Variants in HEXD observed in about 807,000 individuals in gnomAD.
HEXD encodes the protein hexosaminidase D, also known as N-acetyl-beta-galactosaminidase.
HEXD carries 47 observed loss-of-function variants against 54.2 expected under a neutral mutation model. The ratio of observed to expected loss-of-function variants is 0.87; its 90% CI spans 0.69 to 1.11. HEXD has a LOEUF of 1.11. Ranked by LOEUF, HEXD falls within the 50% of genes least tolerant of loss-of-function variation. HEXD has a pLI of 0.00. For missense variants in HEXD, 576 were observed against 649.2 expected (o/e 0.89, Z 1.23); for synonymous variants, 293 against 287.6 (o/e 1.02, Z -0.19).
chr17:82,435,868 C>G lies in HEXD; in HGVS notation c.627C>G (p.Leu209=). ...TCCGAGACCTGCCTGAGGACCAGCTCGCAGGTCGGCCAACAGGGCTGGGGG... is the reference window on the plus strand; with the variant it reads ...TCCGAGACCTGCCTGAGGACCAGCTGGCAGGTCGGCCAACAGGGCTGGGGG... ...DMLRDLPEDQ[L]AASGVPQLVE... Residue 209 remains leucine, a synonymous_variant, in exon 6 of 13, where the codon CTC becomes CTG. Transcript: ENST00000327949. The G allele has an allele frequency of 6.2e-7, 1 of 1,603,600 alleles. No homozygotes were observed. The highest frequency in any genetic ancestry group is 1.1e-5 in the South Asian group (1 of 90,810).
intron 2 of HEXD, chr17:82,420,512 G>C (rs779945920): frequency 2.0e-5 from 3 of 152,254 alleles, no homozygotes; most frequent in Non-Finnish European, 4.4e-5. Flanking sequence ...CTGGATTTTG[G>C]ACTTAGGGCC....
chr17:82,440,487 G>T, intron 9 of HEXD: 1 of 423,128 alleles, frequency 2.4e-6, no homozygotes, highest in Non-Finnish European at 3.8e-6. Flanking sequence ...CCTTGCCCAC[G>T]GCCCCATCCG....
intron 5 of HEXD, 83 bp from the exon 6 acceptor site, chr17:82,435,606 C>T (rs1816692206): frequency 1.3e-5 from 18 of 1,418,110 alleles, no homozygotes; most frequent in Non-Finnish European, 1.6e-5. Flanking sequence ...GGCCCCTCTC[C>T]GTCAGGGCAC....
intron 4 of HEXD, among the ~76,000 whole-genome samples, chr17:82,431,526 A>T (rs1234180575): frequency 6.6e-6 from 1 of 150,956 alleles, no homozygotes; most frequent in African/African-American, 2.4e-5. Context: ...CATTCCAAGT[A>T]GCTTCAGCCT....
In HEXD at chr17:82,428,458, G is replaced by A. The variant is rs754575455; in HGVS notation, c.195-100G>A. 4.4e-4 allele frequency: 420 copies of A among 954,884 alleles called. 1 individual carries two copies. Among genetic ancestry groups the A allele is most frequent in the Non-Finnish European group, 6.5e-4 (389 of 601,764 alleles). The allele number at this position is 954,884 out of a possible 1,614,324, so 59.2% of individuals were successfully genotyped here. On this transcript the variant is annotated intron_variant, in intron 3 of 12. Coordinates refer to ENST00000327949, the MANE Select transcript of HEXD (RefSeq NM_001330542.2). ...GGAGTTTAGGGCCTTACTGTTTCCC[G>A]GAGAGCCCCCCAGGGCCTGATGAGG...
intron 8 of HEXD, 51 bp from the exon 9 acceptor site, chr17:82,439,580 C>T (rs2053868251): frequency 6.6e-7 from 1 of 1,504,220 alleles, no homozygotes; most frequent in Non-Finnish European, 8.8e-7. Flanking sequence ...GCGCCTGCGT[C>T]AGGCTGCTGG....
At chr17:82,427,545 A>T (rs1347742238) in intron 3 of HEXD, among the ~76,000 whole-genome samples, 1 of 152,160 alleles carries the variant, frequency 6.6e-6, no homozygotes. Flanking sequence ...TGAGATGATC[A>T]GGTGCGATGA....
rs1199249285 is a variant in HEXD, at chr17:82,418,546, T to C, written c.-246T>C. On this transcript the variant is annotated 5_prime_UTR_variant, in exon 1 of 13. Transcript: ENST00000327949. The stretch of plus-strand genomic sequence containing the variant: ...GCGCCAGGCCCGGGGACGAACGCCG[T>C]AACAGGGAGCGCGAGGCAGGCACGG... The C allele has an allele frequency of 8.3e-6, 8 of 965,912 alleles. No homozygotes were observed. The Admixed American group carries it at 1.3e-4, about 16-fold the overall frequency. The allele number at this position is 965,912 out of a possible 1,614,324, so 59.8% of individuals were successfully genotyped here.
At chr17:82,424,595 G>T in intron 3 of HEXD, 92 bp downstream of exon 3, 1 of 811,726 alleles carries the variant, frequency 1.2e-6, no homozygotes, top group Non-Finnish European at 2.1e-6. Context: ...CTGGAGGTGC[G>T]GGTGGCACAG....
At chr17:82,438,657 G>A (rs183749610) in intron 8 of HEXD, among the ~76,000 whole-genome samples, 169 of 152,344 alleles carry the variant, frequency 1.1e-3, no homozygotes, top group Middle Eastern at 3.4e-3. Context: ...CTAGGCGAAC[G>A]GCTGGAGGCC....
intron 9 of HEXD, chr17:82,440,321 C>T (rs905771770): frequency 1.8e-5 from 22 of 1,250,264 alleles, no homozygotes; most frequent in Non-Finnish European, 2.3e-5. Flanking sequence ...GGCCCAGGGA[C>T]GGGGACGCGG....
chr17:82,433,077 GAAAAAAA>G (rs71168108), intron 4 of HEXD, among the ~76,000 whole-genome samples: 1 of 7,838 alleles, frequency 1.3e-4, no homozygotes, highest in Non-Finnish European at 1.8e-4. Flanking sequence ...AAAAAAAAAA[GAAAAAAA>G]AAAAAAAATA....
rs762179962 is a variant in HEXD at position 82,433,800 on chromosome 17, G to A, written c.425G>A (p.Arg142Gln). Reference protein sequence around the residue: ...QVLELHPGAQRLHIGCDEVYY... With the variant: ...QVLELHPGAQQLHIGCDEVYY... Reference sequence around the variant, plus strand: ...CTGGAGCTACACCCAGGCGCCCAGCGGCTGCACATCGGGTGTGATGAGGTG... The same window carrying A: ...CTGGAGCTACACCCAGGCGCCCAGCAGCTGCACATCGGGTGTGATGAGGTG... Residue 142 changes from arginine to glutamine, a missense_variant, in exon 5 of 13, where the codon CGG becomes CAG. Arg to Gln is a conservative substitution (Grantham distance 43). Coordinates refer to ENST00000327949, the MANE Select transcript of HEXD (RefSeq NM_001330542.2). 33 of 1,612,736 alleles carry A rather than the reference G, an allele frequency of 2.0e-5. No individual in the cohort carries two copies. The highest frequency in any genetic ancestry group is 8.3e-5 in the Admixed American group (5 of 59,940).
intron 8 of HEXD, 149 bp downstream of exon 8, chr17:82,437,512 T>C (rs896683220): frequency 8.7e-6 from 6 of 688,614 alleles, no homozygotes; most frequent in Non-Finnish European, 1.4e-5. Flanking sequence ...AACAGCCACG[T>C]GGGGTTGGGC....
rs8065914 is a variant in HEXD, at chr17:82,440,409, G to T, written c.983-588G>T. The T allele has an allele frequency of 4.5e-3, 3,976 of 892,264 alleles. 112 individuals are homozygous for T. In the African/African-American group the frequency reaches 0.063, roughly 14 times the overall value. The allele number at this position is 892,264 out of a possible 1,614,324, so 55.3% of individuals were successfully genotyped here. On this transcript the variant is annotated intron_variant, in intron 9 of 12. Coordinates refer to ENST00000327949, the MANE Select transcript of HEXD (RefSeq NM_001330542.2). ...CAACTGCTTAGAAAGGGGCAGAAACGATAAAAACAGACACCCCTGTACCCC... is the reference window on the plus strand; with the variant it reads ...CAACTGCTTAGAAAGGGGCAGAAACTATAAAAACAGACACCCCTGTACCCC...
chr17:82,433,129 T>TATATA (rs1555617733), intron 4 of HEXD, among the ~76,000 whole-genome samples: 66 of 8,416 alleles, frequency 7.8e-3, no homozygotes, highest in Non-Finnish European at 8.1e-3. Context: ...TATATATATA[T>TATATA]TTTTTTTTTT....
chr17:82,424,031 C>G (rs927546836), intron 2 of HEXD, among the ~76,000 whole-genome samples: 5 of 151,820 alleles, frequency 3.3e-5, no homozygotes, highest in African/African-American at 1.2e-4. Flanking sequence ...CTGCCCTGTC[C>G]CCCATGCCTT....
intron 6 of HEXD, among the ~76,000 whole-genome samples, 199 bp from the exon 7 acceptor site, chr17:82,436,468 T>C (rs2053769389): frequency 6.6e-6 from 1 of 152,178 alleles, no homozygotes; most frequent in Non-Finnish European, 1.5e-5. Flanking sequence ...AGTGGGAGCA[T>C]GGTCGCTCCA....
intron 9 of HEXD, 56 bp downstream of exon 9, chr17:82,439,769 G>T: frequency 6.3e-7 from 1 of 1,598,046 alleles, no homozygotes. Context: ...AAGACCCGGA[G>T]GGCAGGAGGC....
Sources: gnomAD v4.1 joint callset for allele counts (sites outside exome capture counted in the v4.1 genomes callset) on GRCh38, gnomAD v4.1.1 for gene constraint, MANE v1.5 for transcripts, NCBI Gene and HGNC (gene_info 2026-07-23, HGNC 2026-07-21) for gene names.